The following ELF1 variants were observed in gnomAD, a reference collection of about 807,000 sequenced individuals.
ELF1 encodes E74 like ETS transcription factor 1.
In ELF1, 24 loss-of-function variants were observed where a neutral mutation model predicts 59.9. That is an observed-to-expected ratio of 0.40 (90% CI 0.29 to 0.56). ELF1 has a LOEUF of 0.56. Ranked by LOEUF, ELF1 falls within the 20% of genes least tolerant of loss-of-function variation. The pLI is 0.44. For synonymous variants in ELF1, 248 were observed against 266.2 expected (o/e 0.93, Z 0.67); for missense variants, 627 against 742.2 (o/e 0.84, Z 1.80).
intron 1 of ELF1, among the ~76,000 whole-genome samples, chr13:41,039,787 T>C (rs1355025425): frequency 1.3e-5 from 2 of 152,232 alleles, no homozygotes; most frequent in Admixed American, 6.5e-5. Flanking sequence ...GTACTCATTA[T>C]AAAATTTCAA....
At chr13:40,979,235 A>ACAC (rs971698963) in intron 2 of ELF1, among the ~76,000 whole-genome samples, 2 of 152,082 alleles carry the variant, frequency 1.3e-5, no homozygotes, top group Non-Finnish European at 2.9e-5. Flanking sequence ...ACACACACAT[A>ACAC]ATGACAAAAT....
chr13:40,938,320 G>A (rs1049470626), intron 8 of ELF1, among the ~76,000 whole-genome samples: 4 of 152,100 alleles, frequency 2.6e-5, no homozygotes, highest in African/African-American at 9.7e-5. Flanking sequence ...TAAAAACTGA[G>A]CATATATACT....
intron 1 of ELF1, among the ~76,000 whole-genome samples, chr13:41,007,794 C>T (rs9566656): frequency 0.22 from 33,868 of 152,112 alleles, 4,310 homozygotes; most frequent in African/African-American, 0.34. Flanking sequence ...TTATTCACAG[C>T]GATTCACAAA....
intron 2 of ELF1, among the ~76,000 whole-genome samples, chr13:40,959,936 CCTTT>C (rs1170434749): frequency 2.0e-5 from 3 of 152,178 alleles, no homozygotes; most frequent in East Asian, 1.9e-4. Flanking sequence ...GATACTACTT[CCTTT>C]ATCATTTTGA....
rs148421582 is a variant in ELF1, at chr13:41,041,319, T to G, written c.-229+19519A>C. Among the ~76,000 whole-genome samples the G allele has an allele frequency of 5.3e-5, 8 of 151,834 alleles. No homozygotes were observed. In the East Asian group the frequency reaches 1.5e-3, roughly 29 times the overall value. On this transcript the variant is annotated intron_variant, in intron 1 of 1. Coordinates refer to the ELF1 transcript ENST00000405737. ...CGAACTGTATAAGCAGACGACATTT[T>G]CAAAGTCTTTCTTTGCTAAGTCCTT...
At chr13:41,032,642 G>T (rs1219245116) in intron 1 of ELF1, among the ~76,000 whole-genome samples, 1 of 152,112 alleles carries the variant, frequency 6.6e-6, no homozygotes, top group Non-Finnish European at 1.5e-5. Flanking sequence ...TTGAGGCAAG[G>T]AGTTCAAGAC....
At chr13:41,060,753 T>G in intron 1 of ELF1, 1 of 163,638 alleles carries the variant, frequency 6.1e-6, no homozygotes, top group South Asian at 1.6e-4. Context: ...ATACCGGGAG[T>G]CGAACCCGGG....
intron 1 of ELF1, among the ~76,000 whole-genome samples, chr13:41,056,773 A>C (rs1410750248): frequency 6.6e-6 from 1 of 152,244 alleles, no homozygotes; most frequent in African/African-American, 2.4e-5. Context: ...AAAATGTCAT[A>C]AAGTAACCAG....
At chr13:40,976,406 T>C (rs1383645071) in intron 2 of ELF1, among the ~76,000 whole-genome samples, 2 of 152,238 alleles carry the variant, frequency 1.3e-5, no homozygotes, top group African/African-American at 4.8e-5. Flanking sequence ...AAAGTTGCAG[T>C]GCAGTCAATG....
chr13:40,991,931 T>A (rs971109713), intron 1 of ELF1, among the ~76,000 whole-genome samples: 1 of 152,218 alleles, frequency 6.6e-6, no homozygotes, highest in Non-Finnish European at 1.5e-5. Context: ...AGCAAAGCAA[T>A]AACATTGATA....
intron 1 of ELF1, among the ~76,000 whole-genome samples, chr13:41,043,861 G>A (rs923815690): frequency 2.0e-5 from 3 of 152,086 alleles, no homozygotes; most frequent in African/African-American, 7.2e-5. Context: ...TGATGGTGAT[G>A]GCACTGAATC....
rs138186472 is a variant in ELF1, at chr13:41,046,246, A to G, written c.-229+14592T>C. On this transcript the variant is annotated intron_variant, in intron 1 of 1. Coordinates refer to the ELF1 transcript ENST00000405737. Reference sequence around the variant, plus strand: ...GTCTTGACTCTTTACCCAATTTGCCAATCTGTGTCTTTTAATTGGAGCATT... The same window carrying G: ...GTCTTGACTCTTTACCCAATTTGCCGATCTGTGTCTTTTAATTGGAGCATT... 7.6e-3 allele frequency among the ~76,000 whole-genome samples: 1,151 copies of G among 152,280 alleles called. 6 individuals carry two copies. The highest frequency in any genetic ancestry group is 0.013 in the Non-Finnish European group (859 of 68,014).
At chr13:41,014,224 A>G (rs1047535153) in intron 1 of ELF1, among the ~76,000 whole-genome samples, 2 of 152,154 alleles carry the variant, frequency 1.3e-5, no homozygotes, top group Non-Finnish European at 2.9e-5. Flanking sequence ...TTATAGACCT[A>G]TGAATTAAAT....
intron 1 of ELF1, among the ~76,000 whole-genome samples, chr13:41,038,523 G>A (rs1716001552): frequency 6.6e-6 from 1 of 151,548 alleles, no homozygotes; most frequent in Non-Finnish European, 1.5e-5. Flanking sequence ...TCAAAGAAAA[G>A]GTATCTATAA....
Position 40,951,864 on chromosome 13 carries a change from C to CA in ELF1, c.254-429_254-428insT, listed in dbSNP as rs1416516816. 1.6e-4 allele frequency among the ~76,000 whole-genome samples: 24 copies of CA among 149,776 alleles called. No individual in the cohort carries two copies. In the East Asian group the frequency reaches 4.5e-3, roughly 28 times the overall value. ...TCTGGGTGACAGAGTGAGACTCTGTCTTAAAAAAAAAAAACAGAAACTATT... is the reference window on the plus strand; with the variant it reads ...TCTGGGTGACAGAGTGAGACTCTGTCATTAAAAAAAAAAAACAGAAACTATT... On this transcript the variant is annotated intron_variant, in intron 3 of 8. Coordinates refer to ENST00000239882, the MANE Select transcript of ELF1 (RefSeq NM_172373.4).
chr13:41,051,409 T>C (rs558546196), intron 1 of ELF1, among the ~76,000 whole-genome samples: 2 of 152,134 alleles, frequency 1.3e-5, no homozygotes, highest in Admixed American at 1.3e-4. Context: ...GTACCCTTCC[T>C]TTCTATTTCA....
chr13:40,943,991 T>C, intron 5 of ELF1, 66 bp from the exon 6 acceptor site: 5 of 1,490,336 alleles, frequency 3.4e-6, no homozygotes, highest in Non-Finnish European at 4.6e-6. Flanking sequence ...ACAATTCAGC[T>C]ATTTTGTCGT....
In ELF1 at chr13:40,943,065, G is replaced by C. The variant is rs776160151; in HGVS notation, c.693C>G (p.Thr231=). ...ATTTAAAAATGCCTTTCTCTCGCTG[G>C]GTCCACTTGATGTATTTAGGACAAG... ...KATCPKYIKW[T]QREKGIFKLV... is the part of the protein sequence containing the mutation. Residue 231 remains threonine (T), a synonymous_variant, in exon 7 of 9, where the codon ACC becomes ACG. Transcript: ENST00000239882. 3 of 1,612,688 alleles carry C rather than the reference G, an allele frequency of 1.9e-6. No homozygotes were observed. Among genetic ancestry groups the C allele is most frequent in the Non-Finnish European group, 2.5e-6 (3 of 1,179,228 alleles).
chr13:40,994,598 G>A (rs765749499), intron 1 of ELF1, among the ~76,000 whole-genome samples: 5 of 152,140 alleles, frequency 3.3e-5, no homozygotes, highest in Non-Finnish European at 5.9e-5. Flanking sequence ...AGCTGAGATC[G>A]CACCACTGCC....
Sources: allele counts gnomAD v4.1 joint callset (sites outside exome capture counted in the v4.1 genomes callset), GRCh38; gene constraint gnomAD v4.1.1; transcripts MANE v1.5; gene names NCBI Gene and HGNC (gene_info 2026-07-23, HGNC 2026-07-21).